The following KCNK10 variants were observed in gnomAD, a reference collection of about 807,000 sequenced individuals.
The protein encoded by KCNK10 is potassium channel subfamily K member 10.
A neutral mutation model predicts 47.7 loss-of-function variants in KCNK10; 25 were observed. The observed-to-expected ratio is 0.52, with a 90% CI of 0.38 to 0.73. The LOEUF (loss-of-function observed/expected upper bound fraction) is 0.73, where lower values mean the gene tolerates loss of function less well. Ranked by LOEUF, KCNK10 falls within the 30% of genes least tolerant of loss-of-function variation. The pLI, the probability that KCNK10 is intolerant of heterozygous loss-of-function variation, is 0.00. For synonymous variants in KCNK10, 303 were observed against 285.6 expected, an observed-to-expected ratio of 1.06 and a Z score of -0.61; for missense variants, 563 against 714.5, an observed-to-expected ratio of 0.79 and a Z score of 2.42.
chr14:88,231,476 G>C (rs139786582), intron 3 of KCNK10, among the ~76,000 whole-genome samples: 505 of 152,202 alleles, frequency 3.3e-3, no homozygotes, highest in Non-Finnish European at 5.4e-3. Context: ...ATCTGAAAAT[G>C]CCTCACAGAC....
chr14:88,292,355 G>A (rs1288927139), intron 1 of KCNK10, among the ~76,000 whole-genome samples: 4 of 152,096 alleles, frequency 2.6e-5, no homozygotes, highest in African/African-American at 9.7e-5. Flanking sequence ...TGTTGTTGTT[G>A]CTGTTGTTGT....
At chr14:88,267,440 G>A (rs1014457032) in intron 1 of KCNK10, among the ~76,000 whole-genome samples, 6 of 150,630 alleles carry the variant, frequency 4.0e-5, no homozygotes, top group Non-Finnish European at 4.4e-5. Context: ...GCACAATCTC[G>A]GCTCACTGCA....
chr14:88,303,896 C>G (rs186858804), intron 1 of KCNK10, among the ~76,000 whole-genome samples: 39 of 152,280 alleles, frequency 2.6e-4, no homozygotes, highest in Admixed American at 2.6e-3. Context: ...ACTCAAGTCC[C>G]TCCTTCACGC....
intron 1 of KCNK10, among the ~76,000 whole-genome samples, chr14:88,277,913 T>C (rs1380797218): frequency 6.6e-6 from 1 of 152,198 alleles, no homozygotes; most frequent in East Asian, 1.9e-4. Context: ...TAGATGCCCC[T>C]TGAAGGTGGA....
chr14:88,206,365 C>T (rs936279817), intron 4 of KCNK10, among the ~76,000 whole-genome samples: 5 of 152,170 alleles, frequency 3.3e-5, no homozygotes, highest in Non-Finnish European at 7.3e-5. Flanking sequence ...AATCACAGAA[C>T]CATCCCACAT....
Position 88,310,153 on chromosome 14 carries a change from CTCTCATATACCA to C in KCNK10, c.52+12582_52+12593del, listed in dbSNP as rs1566721395. On this transcript the variant is annotated intron_variant, in intron 1 of 6. Transcript: ENST00000319231. ...GGAGCTGATGTTTTAATCCATATCT[CTCTCATATACCA>C]TATCATATGGTATATGATATACCAT... 0.04 allele frequency among the ~76,000 whole-genome samples: 335 copies of C among 8,450 alleles called. 68 individuals carry two copies. The East Asian group carries it at 0.5, about 13-fold the overall frequency. 5.5% of individuals were successfully genotyped at this position (8,450 alleles called of 152,430 possible). A position where few individuals can be genotyped will look rare whatever the true frequency, so the allele number is the denominator to read the frequency against.
intron 1 of KCNK10, among the ~76,000 whole-genome samples, chr14:88,309,514 A>G (rs1888268278): frequency 6.6e-6 from 1 of 152,182 alleles, no homozygotes. Flanking sequence ...AGGTGGGAGG[A>G]TTGATTGAGC....
At chr14:88,222,395 C>A (rs1028361696) in intron 4 of KCNK10, among the ~76,000 whole-genome samples, 7 of 151,992 alleles carry the variant, frequency 4.6e-5, no homozygotes, top group Admixed American at 4.6e-4. Context: ...GTTAGGAGAA[C>A]GGGATTGATG....
chr14:88,307,520 A>G (rs1888228803), intron 1 of KCNK10, among the ~76,000 whole-genome samples: 1 of 152,242 alleles, frequency 6.6e-6, no homozygotes, highest in Non-Finnish European at 1.5e-5. Context: ...AAAATTTTCT[A>G]CAATTAGATA....
At position 88,184,176 on chromosome 14, in the gene KCNK10, C is replaced by T. The variant is rs536387984; in HGVS notation, c.*1359G>A. ...TTTCCTCTGCGGGATGTTCTAGCCT[C>T]ACAGACCAATCATAATTATGATGTG... On this transcript the variant is annotated 3_prime_UTR_variant, in exon 7 of 7. Coordinates refer to ENST00000319231, the MANE Select transcript of KCNK10 (RefSeq NM_138317.3). 2 of 152,454 alleles carry T rather than the reference C, an allele frequency of 1.3e-5. No individual in the cohort carries two copies. Among genetic ancestry groups the T allele is most frequent in the South Asian group, 2.1e-4 (1 of 4,818 alleles). 9.4% of individuals were successfully genotyped at this position (152,454 alleles called of 1,614,324 possible).
chr14:88,244,674 A>AG, intron 2 of KCNK10, among the ~76,000 whole-genome samples: 1 of 152,190 alleles, frequency 6.6e-6, no homozygotes, highest in East Asian at 1.9e-4. Flanking sequence ...TCTCAAAAAA[A>AG]AAAAGAAAAA....
At chr14:88,291,753 T>C (rs914928791) in intron 1 of KCNK10, among the ~76,000 whole-genome samples, 3 of 151,974 alleles carry the variant, frequency 2.0e-5, no homozygotes, top group Non-Finnish European at 4.4e-5. Context: ...CAGACATGGG[T>C]GCGCAGTGTT....
chr14:88,304,348 A>C (rs1888165190), intron 1 of KCNK10, among the ~76,000 whole-genome samples: 1 of 152,124 alleles, frequency 6.6e-6, no homozygotes, highest in Non-Finnish European at 1.5e-5. Context: ...AAAAATACTG[A>C]ATTGAAGTAG....
intron 4 of KCNK10, among the ~76,000 whole-genome samples, chr14:88,221,972 C>G (rs1200333501): frequency 6.6e-6 from 1 of 152,098 alleles, no homozygotes; most frequent in African/African-American, 2.4e-5. Flanking sequence ...AGTATGATTG[C>G]AACTACACAA....
intron 4 of KCNK10, among the ~76,000 whole-genome samples, chr14:88,217,649 G>A (rs1465126016): frequency 1.3e-5 from 2 of 152,056 alleles, no homozygotes; most frequent in Non-Finnish European, 2.9e-5. Flanking sequence ...CAACCTCCTA[G>A]ACTCAAGCAA....
Position 88,322,842 on chromosome 14 carries a change from A to G in KCNK10, c.-44T>C, listed in dbSNP as rs74069547. The stretch of plus-strand genomic sequence containing the variant: ...GGGAAGAAATGAAAAGAACCCAAAT[A>G]ATAATAAAGTCCTCAAGCTTTACAC... On this transcript the variant is annotated 5_prime_UTR_variant, in exon 1 of 7. Transcript: ENST00000319231. The surrounding 1 kb of genome is among the most constrained non-coding windows in gnomAD (Gnocchi z 4.8). 4,034 of 1,613,954 alleles carry G rather than the reference A, an allele frequency of 2.5e-3. 84 individuals carry two copies. The African/African-American group carries it at 0.046, about 19-fold the overall frequency.
At chr14:88,225,940 T>C (rs1267066959) in intron 4 of KCNK10, among the ~76,000 whole-genome samples, 1 of 152,178 alleles carries the variant, frequency 6.6e-6, no homozygotes, top group East Asian at 1.9e-4. Flanking sequence ...CACGGTCTAA[T>C]GAGGCCACCG....
intron 1 of KCNK10, among the ~76,000 whole-genome samples, chr14:88,307,981 G>A (rs770367242): frequency 2.6e-5 from 4 of 152,034 alleles, no homozygotes; most frequent in Admixed American, 6.6e-5. Context: ...TATCATTTCC[G>A]GTTCTCAAGT....
In KCNK10 at chr14:88,240,783, A is replaced by G. The variant is rs202028721; in HGVS notation, c.440T>C (p.Ile147Thr). Reference protein sequence around the residue: ...LDADNAGVSPIGNSSNNSSHW... With the variant: ...LDADNAGVSPTGNSSNNSSHW... ...GCTGCTGTTGTTGGAAGAGTTTCCTATTGGACTGACTCCCGCATTGTCAGC... is the reference window on the plus strand; with the variant it reads ...GCTGCTGTTGTTGGAAGAGTTTCCTGTTGGACTGACTCCCGCATTGTCAGC... Residue 147 changes from isoleucine (I) to threonine (T), a missense_variant, in exon 3 of 7, where the codon ATA (isoleucine) becomes ACA (threonine). Ile to Thr is a moderately conservative substitution (Grantham distance 89). Coordinates refer to ENST00000319231, the MANE Select transcript of KCNK10 (RefSeq NM_138317.3). 5 of 1,613,454 alleles carry G rather than the reference A, an allele frequency of 3.1e-6. No homozygotes were observed. The highest frequency in any genetic ancestry group is 4.2e-6 in the Non-Finnish European group (5 of 1,179,616).
Sources: gnomAD v4.1 joint callset for allele counts (sites outside exome capture counted in the v4.1 genomes callset) on GRCh38, gnomAD v4.1.1 for gene constraint, Gnocchi (gnomAD v3.1) non-coding constraint, MANE v1.5 for transcripts, NCBI Gene and HGNC (gene_info 2026-07-23, HGNC 2026-07-21) for gene names.